The following UNC5C variants were observed in gnomAD, a reference collection of about 807,000 sequenced individuals.
The protein encoded by UNC5C is netrin receptor UNC5C.
In UNC5C, 47 loss-of-function variants were observed where a neutral mutation model predicts 99.8. That is an observed-to-expected ratio of 0.47 (90% confidence interval 0.37 to 0.60). The LOEUF (loss-of-function observed/expected upper bound fraction) is 0.60. Ranked by LOEUF, UNC5C falls within the 20% of genes least tolerant of loss-of-function variation. The probability of loss-of-function intolerance (pLI) is 0.00; values close to 1 mark genes in which losing one functional copy is unlikely to be tolerated. For synonymous variants in UNC5C, 487 were observed against 452.2 expected (o/e 1.08, Z -0.98); for missense variants, 1,062 against 1,165.9 (o/e 0.91, Z 1.30).
intron 2 of UNC5C, among the ~76,000 whole-genome samples, chr4:95,321,687 G>T (rs141893502): frequency 4.6e-5 from 7 of 152,198 alleles, no homozygotes; most frequent in African/African-American, 1.7e-4. Context: ...ATACTGTATA[G>T]AAAATTTTAA....
intron 12 of UNC5C, among the ~76,000 whole-genome samples, chr4:95,187,487 A>G: frequency 6.6e-6 from 1 of 152,342 alleles, no homozygotes; most frequent in East Asian, 1.9e-4. Flanking sequence ...GAGGATATGA[A>G]GAGCATTATC....
At chr4:95,527,801 G>A (rs776165283) in intron 1 of UNC5C, among the ~76,000 whole-genome samples, 20 of 151,974 alleles carry the variant, frequency 1.3e-4, no homozygotes, top group Non-Finnish European at 5.9e-5. Context: ...GCAATTGATG[G>A]AGAAATTTTT....
At position 95,169,205 on chromosome 4, in the gene UNC5C, G is replaced by T. The variant is rs1435156822; in HGVS notation, c.*29C>A. 1 of 1,610,184 alleles carries T rather than the reference G, an allele frequency of 6.2e-7. No individual in the cohort carries two copies. The highest frequency in any genetic ancestry group is 1.1e-5 in the South Asian group (1 of 90,664). ...GGCCACAGACTCCCTGTGCATTTTT[G>T]TCCTTCATTTCCCCTTCCAGCATGG... On this transcript the variant is annotated 3_prime_UTR_variant, in exon 16 of 16. Transcript: ENST00000453304.
intron 6 of UNC5C, 71 bp downstream of exon 6, chr4:95,244,906 G>A: frequency 6.4e-7 from 1 of 1,572,658 alleles, no homozygotes; most frequent in Non-Finnish European, 8.7e-7. Context: ...TAAAGTCTGT[G>A]TATCTATTCT....
At chr4:95,229,413 A>G (rs370240410) in intron 7 of UNC5C, among the ~76,000 whole-genome samples, 1 of 152,022 alleles carries the variant, frequency 6.6e-6, no homozygotes, top group Non-Finnish European at 1.5e-5. Flanking sequence ...GCTGAGAATG[A>G]TGGTTTCCGG....
chr4:95,175,072 C>CT (rs1327402537), intron 14 of UNC5C, among the ~76,000 whole-genome samples: 9 of 151,958 alleles, frequency 5.9e-5, no homozygotes, highest in African/African-American at 1.9e-4. Context: ...CAACCCCTGC[C>CT]TTTTTTTGTT....
chr4:95,206,765 T>A lies in UNC5C; in HGVS notation c.1765A>T (p.Thr589Ser). ...PPMDDSQTLLTPVVSCGPPGA... is the reference protein window; with the variant it reads ...PPMDDSQTLLSPVVSCGPPGA... ...GGGGGCCCACAGCTCACCACAGGGG[T>A]CAAAAGTGTCTGAGAGTCATCCATG... The change falls in exon 11 of 16, where the codon ACC becomes TCC. Residue 589 changes from threonine (T) to serine (S), a missense_variant. By Grantham distance (58) the Thr-to-Ser change is moderately conservative (BLOSUM62 1). This residue lies in a region of UNC5C where 810 missense variants were observed against 854.5 expected (regional missense o/e 0.95). Transcript: ENST00000453304. 1 of 1,610,896 alleles carries A rather than the reference T, an allele frequency of 6.2e-7. No individual in the cohort carries two copies. Among genetic ancestry groups the A allele is most frequent in the Non-Finnish European group, 8.5e-7 (1 of 1,178,786 alleles).
At chr4:95,467,315 T>G (rs75585798) in intron 1 of UNC5C, among the ~76,000 whole-genome samples, 1 of 152,142 alleles carries the variant, frequency 6.6e-6, no homozygotes. Flanking sequence ...TCACTTTTTT[T>G]GGAAGATAGA....
chr4:95,242,441 G>A lies in UNC5C; in HGVS notation c.1096C>T (p.Leu366Phe), dbSNP rs1391896003. The change falls in exon 7 of 16, where the codon CTT becomes TTT. Residue 366 changes from leucine (L) to phenylalanine (F), a missense_variant. This residue lies in a region of UNC5C where 810 missense variants were observed against 854.5 expected (regional missense o/e 0.95). Transcript: ENST00000453304. ...VLQSKNCTDG[L>F]CMQTAPDSDD... is the part of the protein sequence containing the mutation. ...TAAATTGACTTACTCTGCATGCAAA[G>A]CCCATCAGTGCAGTTCTTGGATTGC... 6.2e-7 allele frequency: 1 copy of A among 1,614,108 alleles called. No homozygotes were observed. Among genetic ancestry groups the A allele is most frequent in the South Asian group, 1.1e-5 (1 of 91,084 alleles).
At chr4:95,394,637 T>C (rs527244304) in intron 1 of UNC5C, among the ~76,000 whole-genome samples, 55 of 137,920 alleles carry the variant, frequency 4.0e-4, no homozygotes, top group African/African-American at 1.3e-3. Flanking sequence ...GCATCTGCTA[T>C]GAAAAGGTAT....
At chr4:95,216,289 G>A (rs549303488) in intron 9 of UNC5C, 78 bp from the exon 10 acceptor site, 11 of 1,076,454 alleles carry the variant, frequency 1.0e-5, no homozygotes, top group Admixed American at 6.2e-5. Flanking sequence ...TTGTGACCGC[G>A]CAGCCATAAG....
intron 1 of UNC5C, among the ~76,000 whole-genome samples, chr4:95,451,807 A>T (rs1375868011): frequency 6.6e-6 from 1 of 152,192 alleles, no homozygotes; most frequent in African/African-American, 2.4e-5. Flanking sequence ...AAATGAGATA[A>T]ATGTTAAATT....
chr4:95,271,285 T>A (rs1740653334), intron 4 of UNC5C, among the ~76,000 whole-genome samples: 2 of 151,936 alleles, frequency 1.3e-5, no homozygotes. Flanking sequence ...TGGAGTGCAG[T>A]GGCGCGATCT....
chr4:95,415,152 T>C (rs1194513295), intron 1 of UNC5C, among the ~76,000 whole-genome samples: 1 of 152,140 alleles, frequency 6.6e-6, no homozygotes, highest in African/African-American at 2.4e-5. Context: ...AGCATGCATG[T>C]AAAAGAACCA....
chr4:95,304,332 C>T (rs1741980073), intron 2 of UNC5C, among the ~76,000 whole-genome samples: 1 of 152,150 alleles, frequency 6.6e-6, no homozygotes, highest in African/African-American at 2.4e-5. Flanking sequence ...ATCCATCACC[C>T]TTCTATGGAA....
intron 1 of UNC5C, among the ~76,000 whole-genome samples, chr4:95,349,117 G>C (rs538166695): frequency 6.6e-6 from 1 of 151,462 alleles, no homozygotes; most frequent in South Asian, 2.1e-4. Flanking sequence ...ATAACCAAAA[G>C]AGTATAATTG....
chr4:95,516,195 C>T (rs887380208), intron 1 of UNC5C, among the ~76,000 whole-genome samples: 3 of 152,034 alleles, frequency 2.0e-5, no homozygotes, highest in African/African-American at 7.2e-5. Context: ...AATTATACTG[C>T]TTGAATAAAA....
intron 1 of UNC5C, among the ~76,000 whole-genome samples, chr4:95,546,923 G>A (rs1231804642): frequency 6.6e-6 from 1 of 152,050 alleles, no homozygotes; most frequent in Non-Finnish European, 1.5e-5. Context: ...CTCTCACCGT[G>A]CCCCGTCCCC....
At position 95,451,419 on chromosome 4, in the gene UNC5C, C is replaced by T. The variant is rs566605877; in HGVS notation, c.124+97315G>A. Among the ~76,000 whole-genome samples, 20 of 152,276 alleles carry T rather than the reference C, an allele frequency of 1.3e-4. 1 individual carries two copies. In the South Asian group the frequency reaches 4.1e-3, roughly 32 times the overall value. The stretch of plus-strand genomic sequence containing the variant: ...TACTGAAAAACCTCACCAAGTTTAT[C>T]CCTTCATCTCCAAATGCTTCAAAAT... On this transcript the variant is annotated intron_variant, in intron 1 of 15. Coordinates refer to ENST00000453304, the MANE Select transcript of UNC5C (RefSeq NM_003728.4).
Sources: allele counts gnomAD v4.1 joint callset (sites outside exome capture counted in the v4.1 genomes callset), GRCh38; gene constraint gnomAD v4.1.1; regional missense constraint gnomAD v4.1.1; transcripts MANE v1.5; gene names NCBI Gene and HGNC (gene_info 2026-07-23, HGNC 2026-07-21).